TEX11: variants seen among roughly 807,000 people sequenced by gnomAD.
The protein encoded by TEX11 is testis-expressed protein 11.
A neutral mutation model predicts 84.4 loss-of-function variants in TEX11; 7 were observed. The ratio of observed to expected loss-of-function variants is 0.08; its 90% CI spans 0.05 to 0.16. The LOEUF (loss-of-function observed/expected upper bound fraction) is 0.16. Among genes scored for constraint, TEX11 ranks in the 10% least tolerant of loss-of-function variants. TEX11 has a pLI of 1.00. For missense variants in TEX11, 551 were observed against 660.5 expected, an observed-to-expected ratio of 0.83 and a Z score of 1.82; for synonymous variants, 264 against 222.8, an observed-to-expected ratio of 1.18 and a Z score of -1.64.
At chrX:70,632,402 G>A (rs2089521172) in intron 17 of TEX11, among the ~76,000 whole-genome samples, 1 of 111,019 alleles carries the variant, frequency 9.0e-6, no homozygotes, top group South Asian at 3.8e-4. Context: ...GAGCCCAGGA[G>A]TTTGAGACCA....
At chrX:70,725,687 A>G (rs1386794315) in intron 11 of TEX11, among the ~76,000 whole-genome samples, 1 of 112,213 alleles carries the variant, frequency 8.9e-6, no homozygotes, top group Non-Finnish European at 1.9e-5. Context: ...AGATTTATTG[A>G]CTAAGGTCCT....
In TEX11 at chrX:70,713,650, T is replaced by C. The variant is rs1241672785; in HGVS notation, c.1004+8968A>G. 2.7e-5 allele frequency among the ~76,000 whole-genome samples: 3 copies of C among 111,240 alleles called. No homozygotes were observed. The Admixed American group carries it at 2.9e-4, about 11-fold the overall frequency. On this transcript the variant is annotated intron_variant, in intron 13 of 29. Transcript: ENST00000374333. The stretch of plus-strand genomic sequence containing the variant: ...ATCGGTGGTGATATCCCCTTTATCA[T>C]TTTTTATTGCGTCTATTTGATTCTT...
At chrX:70,635,953 A>AGT (rs1380659650) in intron 17 of TEX11, among the ~76,000 whole-genome samples, 1 of 111,318 alleles carries the variant, frequency 9.0e-6, no homozygotes, top group Non-Finnish European at 1.9e-5. Flanking sequence ...TCCACACTCC[A>AGT]GTGGAGCCAC....
At chrX:70,744,654 G>T (rs2090757096) in intron 9 of TEX11, among the ~76,000 whole-genome samples, 1 of 109,364 alleles carries the variant, frequency 9.1e-6, no homozygotes, top group Non-Finnish European at 1.9e-5. Flanking sequence ...GTGTATACAA[G>T]CTCTTAGTTG....
intron 28 of TEX11, among the ~76,000 whole-genome samples, chrX:70,550,771 G>C (rs1464530025): frequency 9.0e-6 from 1 of 111,583 alleles, no homozygotes; most frequent in Non-Finnish European, 1.9e-5. Flanking sequence ...TGAGGATGTG[G>C]AGAAAAGGGA....
At chrX:70,622,660 A>G (rs917078040) in intron 20 of TEX11, among the ~76,000 whole-genome samples, 1 of 111,870 alleles carries the variant, frequency 8.9e-6, no homozygotes, top group African/African-American at 3.2e-5. Flanking sequence ...GTCCTTTTTT[A>G]AAAAAGCTTC....
intron 9 of TEX11, among the ~76,000 whole-genome samples, chrX:70,766,395 G>C (rs193081203): frequency 6.5e-5 from 7 of 108,130 alleles, no homozygotes; most frequent in Non-Finnish European, 1.1e-4. Context: ...CTGGGTGACA[G>C]AGCAAGACTC....
chrX:70,793,662 T>C (rs774284973), intron 9 of TEX11, among the ~76,000 whole-genome samples: 7 of 111,740 alleles, frequency 6.3e-5, no homozygotes, highest in Non-Finnish European at 1.3e-4. Context: ...TACAGAACCA[T>C]GAACCAATTA....
At chrX:70,802,946 G>C (rs981161756) in intron 9 of TEX11, among the ~76,000 whole-genome samples, 4 of 111,325 alleles carry the variant, frequency 3.6e-5, no homozygotes, top group African/African-American at 1.3e-4. Context: ...AGGACTTTAA[G>C]AGCTAAACAC....
chrX:70,591,179 T>G (rs1427625687), intron 25 of TEX11, among the ~76,000 whole-genome samples: 1 of 112,206 alleles, frequency 8.9e-6, no homozygotes, highest in Admixed American at 9.5e-5. Context: ...ATTGATAATA[T>G]TATGTTAAAC....
chrX:70,901,147 C>T (rs998017997), intron 2 of TEX11, among the ~76,000 whole-genome samples: 8 of 109,349 alleles, frequency 7.3e-5, no homozygotes, highest in African/African-American at 2.7e-4. Flanking sequence ...AGGAGGATAG[C>T]GCCACTGCAC....
At chrX:70,820,868 A>G (rs1483739201) in intron 8 of TEX11, among the ~76,000 whole-genome samples, 1 of 111,966 alleles carries the variant, frequency 8.9e-6, no homozygotes, top group African/African-American at 3.2e-5. Flanking sequence ...TATCCAAGCC[A>G]TATCAGACTT....
chrX:70,873,156 G>T (rs889268827), intron 4 of TEX11, 67 bp downstream of exon 4: 21 of 645,078 alleles, frequency 3.3e-5, no homozygotes, highest in Non-Finnish European at 5.0e-5. Flanking sequence ...TATTTAAACT[G>T]CAGGAATACT....
chrX:70,581,368 G>A (rs1444875097), intron 25 of TEX11, among the ~76,000 whole-genome samples: 5 of 101,687 alleles, frequency 4.9e-5, no homozygotes, highest in Non-Finnish European at 4.0e-5. Flanking sequence ...GCGTGATCTC[G>A]GCTCACTGCA....
At chrX:70,819,008 A>G (rs1378571022) in intron 8 of TEX11, among the ~76,000 whole-genome samples, 1 of 112,190 alleles carries the variant, frequency 8.9e-6, no homozygotes, top group East Asian at 2.8e-4. Flanking sequence ...GTATTCTACC[A>G]AACATTCAAA....
intron 25 of TEX11, among the ~76,000 whole-genome samples, chrX:70,561,495 C>T (rs1161897661): frequency 9.8e-6 from 1 of 102,243 alleles, no homozygotes; most frequent in Non-Finnish European, 2.0e-5. Context: ...TCAAGCAATT[C>T]TTCTACCTCA....
intron 17 of TEX11, among the ~76,000 whole-genome samples, chrX:70,632,503 G>A (rs1425185973): frequency 1.8e-5 from 2 of 111,012 alleles, no homozygotes; most frequent in Non-Finnish European, 3.8e-5. Flanking sequence ...CAGCTACTCG[G>A]GAGGATGAGG....
At chrX:70,564,834 T>C (rs1379826642) in intron 25 of TEX11, among the ~76,000 whole-genome samples, 2 of 110,714 alleles carry the variant, frequency 1.8e-5, no homozygotes, top group African/African-American at 6.6e-5. Context: ...TTCCAGGTCT[T>C]TCCTATTGTG....
In TEX11 at chrX:70,528,983, T is replaced by A. The variant is rs962207143; in HGVS notation, c.*112A>T. The A allele has an allele frequency of 1.8e-6, 1 of 541,158 alleles. No homozygotes were observed. Among genetic ancestry groups the A allele is most frequent in the African/African-American group, 2.4e-5 (1 of 42,206 alleles). 44.6% of individuals were successfully genotyped at this position (541,158 alleles called of 1,213,427 possible). On this transcript the variant is annotated 3_prime_UTR_variant, in exon 30 of 30. Transcript: ENST00000374333. ...ATTTTAGAAAGTTTATTCAACAACA[T>A]GAAAACAGGGTCTGAGCAAACAGAA...
Sources: gnomAD v4.1 joint callset for allele counts (sites outside exome capture counted in the v4.1 genomes callset) on GRCh38, gnomAD v4.1.1 for gene constraint, MANE v1.5 for transcripts, NCBI Gene and HGNC (gene_info 2026-07-23, HGNC 2026-07-21) for gene names.